ARMC8: variants seen among roughly 807,000 people sequenced by gnomAD.
The protein encoded by ARMC8 is armadillo repeat-containing protein 8.
A neutral mutation model predicts 99.3 loss-of-function variants in ARMC8; 20 were observed. That is an observed-to-expected ratio of 0.20 (90% CI 0.14 to 0.29). The LOEUF (loss-of-function observed/expected upper bound fraction) is 0.29. ARMC8 is among the 10% of genes least tolerant of loss of function. The pLI, the probability that ARMC8 is intolerant of heterozygous loss-of-function variation, is 1.00. For missense variants in ARMC8, 569 were observed against 809.5 expected, an observed-to-expected ratio of 0.70 and a Z score of 3.60; for synonymous variants, 263 against 278.3, an observed-to-expected ratio of 0.95 and a Z score of 0.55.
rs1044705049 is a variant in ARMC8, at chr3:138,254,363, G to A, written c.1134+9180G>A. 6.6e-5 allele frequency among the ~76,000 whole-genome samples: 10 copies of A among 152,292 alleles called. No homozygotes were observed. In the South Asian group the frequency reaches 1.0e-3, roughly 16 times the overall value. ...GAGTAATTTTTATATGTCTGGACCT[G>A]AAAATTTAGCCAGCTAACCTGTGGG... On this transcript the variant is annotated intron_variant, in intron 12 of 21. Coordinates refer to ENST00000469044, the MANE Select transcript of ARMC8 (RefSeq NM_001363941.2).
chr3:138,225,958 A>T (rs756424692), intron 5 of ARMC8, among the ~76,000 whole-genome samples: 3 of 152,158 alleles, frequency 2.0e-5, no homozygotes, highest in Non-Finnish European at 4.4e-5. Flanking sequence ...GTCACCTCAC[A>T]CAGTAGGGAG....
chr3:138,232,836 T>C (rs2046125676), intron 6 of ARMC8, among the ~76,000 whole-genome samples: 2 of 152,144 alleles, frequency 1.3e-5, no homozygotes, highest in East Asian at 1.9e-4. Context: ...GGAGAACAGA[T>C]TGGCTGCAGA....
intron 6 of ARMC8, among the ~76,000 whole-genome samples, chr3:138,232,215 A>G (rs2046085878): frequency 6.6e-6 from 1 of 151,768 alleles, no homozygotes; most frequent in Admixed American, 6.6e-5. Context: ...ACCTCAAGCC[A>G]TCTGCCTGCC....
At chr3:138,232,447 A>T (rs2046101582) in intron 6 of ARMC8, among the ~76,000 whole-genome samples, 1 of 152,204 alleles carries the variant, frequency 6.6e-6, no homozygotes, top group African/African-American at 2.4e-5. Context: ...AGTGTGCTTG[A>T]TCTTTTCCCC....
chr3:138,194,845 A>C (rs916372701), intron 1 of ARMC8, among the ~76,000 whole-genome samples: 1 of 152,180 alleles, frequency 6.6e-6, no homozygotes, highest in Non-Finnish European at 1.5e-5. Flanking sequence ...ACTATCCTGT[A>C]AACATAAATT....
intron 2 of ARMC8, among the ~76,000 whole-genome samples, chr3:138,218,904 C>T (rs142856597): frequency 1.3e-5 from 2 of 152,122 alleles, no homozygotes; most frequent in African/African-American, 4.8e-5. Flanking sequence ...AAGTTAGAAA[C>T]ACTTTTATTT....
chr3:138,222,710 A>C (rs1203362834), intron 3 of ARMC8, among the ~76,000 whole-genome samples: 1 of 152,224 alleles, frequency 6.6e-6, no homozygotes, highest in Admixed American at 6.5e-5. Flanking sequence ...AGTAACTATA[A>C]AGCTGTCAGC....
chr3:138,250,078 T>G (rs955424108), intron 12 of ARMC8, among the ~76,000 whole-genome samples: 1 of 152,092 alleles, frequency 6.6e-6, no homozygotes, highest in Non-Finnish European at 1.5e-5. Flanking sequence ...TTATATGACA[T>G]GTGAAGAAAG....
At chr3:138,250,308 A>G (rs1054270746) in intron 12 of ARMC8, among the ~76,000 whole-genome samples, 5 of 152,130 alleles carry the variant, frequency 3.3e-5, no homozygotes, top group South Asian at 2.1e-4. Context: ...TAGAATATCT[A>G]AGTAATTCAT....
intron 2 of ARMC8, among the ~76,000 whole-genome samples, chr3:138,215,256 G>A (rs1434033140): frequency 6.6e-6 from 1 of 151,128 alleles, no homozygotes; most frequent in Non-Finnish European, 1.5e-5. Context: ...TCACTCTGTT[G>A]CCCAGACTGG....
At chr3:138,229,167 T>TATATATATATATATAC (rs1559957880) in intron 6 of ARMC8, 157 bp downstream of exon 6, 19 of 56,580 alleles carry the variant, frequency 3.4e-4, no homozygotes, top group African/African-American at 1.1e-3. Flanking sequence ...TATATATATA[T>TATATATATATATATAC]ATATATATAT....
intron 21 of ARMC8, among the ~76,000 whole-genome samples, chr3:138,295,340 A>C (rs1330724769): frequency 1.3e-5 from 2 of 152,146 alleles, no homozygotes; most frequent in Non-Finnish European, 2.9e-5. Context: ...CACGGTTCTG[A>C]GGCATGTGAA....
intron 2 of ARMC8, among the ~76,000 whole-genome samples, chr3:138,217,315 T>G (rs2045115047): frequency 6.6e-6 from 1 of 152,198 alleles, no homozygotes. Context: ...AGGCTTTCAG[T>G]TAAAATGTAT....
intron 2 of ARMC8, among the ~76,000 whole-genome samples, chr3:138,219,678 C>A (rs891316187): frequency 5.9e-5 from 9 of 152,176 alleles, no homozygotes; most frequent in Non-Finnish European, 1.2e-4. Context: ...TTATTAACAT[C>A]TTTTTTTCCT....
intron 12 of ARMC8, 82 bp from the exon 13 acceptor site, chr3:138,263,657 A>G (rs1313282648): frequency 1.8e-5 from 21 of 1,178,484 alleles, no homozygotes; most frequent in Non-Finnish European, 2.6e-5. Context: ...CTTTTAATGG[A>G]TGTTAACATA....
At chr3:138,187,779 G>T (rs1483353440) in intron 1 of ARMC8, 180 bp downstream of exon 1, 8 of 656,754 alleles carry the variant, frequency 1.2e-5, no homozygotes, top group Non-Finnish European at 2.0e-5. Context: ...GGGGACCGCG[G>T]CCGAGCCAAA....
At chr3:138,278,900 G>T (rs13059110) in intron 18 of ARMC8, among the ~76,000 whole-genome samples, 13,518 of 152,116 alleles carry the variant, frequency 0.089, 785 homozygotes, top group Non-Finnish European at 0.14. Context: ...CTTGTATCCT[G>T]CATTCTTGCC....
intron 14 of ARMC8, among the ~76,000 whole-genome samples, chr3:138,264,642 ACTC>A (rs1384625003): frequency 1.0e-4 from 15 of 147,982 alleles, no homozygotes; most frequent in Non-Finnish European, 3.0e-5. Flanking sequence ...CTGGTCTTGA[ACTC>A]CTGACCACGT....
chr3:138,224,027 CG>C (rs1159096630), intron 5 of ARMC8, among the ~76,000 whole-genome samples: 2 of 147,306 alleles, frequency 1.4e-5, no homozygotes, highest in East Asian at 4.1e-4. Context: ...GGCGCGATCT[CG>C]GCTCACTGCA....
Sources: gnomAD v4.1 joint callset for allele counts (sites outside exome capture counted in the v4.1 genomes callset) on GRCh38, gnomAD v4.1.1 for gene constraint, MANE v1.5 for transcripts, NCBI Gene and HGNC (gene_info 2026-07-23, HGNC 2026-07-21) for gene names.